The following SOX6 variants were observed in gnomAD, a reference collection of about 807,000 sequenced individuals.
The protein encoded by SOX6 is SRY-box transcription factor 6, also known as transcription factor SOX-6.
In SOX6, 11 loss-of-function variants were observed where a neutral mutation model predicts 97.8. The ratio of observed to expected loss-of-function variants is 0.11; its 90% CI spans 0.07 to 0.19. The LOEUF (loss-of-function observed/expected upper bound fraction) is 0.19. Ranked by LOEUF, SOX6 falls within the 10% of genes least tolerant of loss-of-function variation. SOX6 has a pLI of 1.00. For missense variants in SOX6, 810 were observed against 1,039.5 expected, an observed-to-expected ratio of 0.78 and a Z score of 3.04; for synonymous variants, 360 against 371.4, an observed-to-expected ratio of 0.97 and a Z score of 0.35.
chr11:16,371,594 C>G (rs1429932274), intron 1 of SOX6, among the ~76,000 whole-genome samples: 1 of 152,014 alleles, frequency 6.6e-6, no homozygotes, highest in Non-Finnish European at 1.5e-5. Context: ...ATAGTAAGTG[C>G]TCAGTAAACA....
At chr11:16,243,784 G>A (rs192922783) in intron 3 of SOX6, among the ~76,000 whole-genome samples, 80 of 151,764 alleles carry the variant, frequency 5.3e-4, no homozygotes, top group Non-Finnish European at 7.8e-4. Flanking sequence ...TTCTTTTTTG[G>A]ATATGGATTC....
chr11:16,432,406 T>C (rs1461000589), intron 1 of SOX6, among the ~76,000 whole-genome samples: 3 of 152,120 alleles, frequency 2.0e-5, no homozygotes, highest in Admixed American at 2.0e-4. Context: ...TTATGAATGA[T>C]ACTGAAATAA....
intron 6 of SOX6, among the ~76,000 whole-genome samples, chr11:16,165,284 A>T (rs936146414): frequency 6.6e-6 from 1 of 152,182 alleles, no homozygotes; most frequent in Non-Finnish European, 1.5e-5. Context: ...ACTTAGTATG[A>T]TTATTGCTCA....
Position 16,604,523 on chromosome 11 carries a change from C to G in SOX6, n.609+7558G>C, listed in dbSNP as rs1430921280. On this transcript the variant is annotated intron_variant and non_coding_transcript_variant, in intron 4 of 5. Transcript: ENST00000524520. ...GCCAAAGCCCGGCCGCAGGAGTACGCGGCTAGCACCGGCGCCCGGGACGCG... is the reference window on the plus strand; with the variant it reads ...GCCAAAGCCCGGCCGCAGGAGTACGGGGCTAGCACCGGCGCCCGGGACGCG... Among the ~76,000 whole-genome samples the G allele has an allele frequency of 2.6e-5, 4 of 152,308 alleles. No individual in the cohort carries two copies. The East Asian group carries it at 7.8e-4, about 30-fold the overall frequency.
intron 6 of SOX6, among the ~76,000 whole-genome samples, chr11:16,157,116 C>G (rs1046185964): frequency 6.6e-6 from 1 of 152,030 alleles, no homozygotes; most frequent in African/African-American, 2.4e-5. Flanking sequence ...GCTTAAATTT[C>G]TTCTTAGCTA....
At chr11:16,593,764 T>C (rs762727541) in intron 4 of SOX6, among the ~76,000 whole-genome samples, 1 of 152,182 alleles carries the variant, frequency 6.6e-6, no homozygotes, top group Non-Finnish European at 1.5e-5. Flanking sequence ...GGCATTAATA[T>C]TCTCATTTAA....
intron 4 of SOX6, among the ~76,000 whole-genome samples, chr11:16,539,201 GAAC>G (rs2133175752): frequency 6.6e-6 from 1 of 152,316 alleles, no homozygotes; most frequent in South Asian, 2.1e-4. Flanking sequence ...CATGGAAACT[GAAC>G]AACTTGTTCC....
chr11:16,500,455 A>G (rs1194296328), intron 4 of SOX6, among the ~76,000 whole-genome samples: 3 of 152,140 alleles, frequency 2.0e-5, no homozygotes, highest in Non-Finnish European at 2.9e-5. Flanking sequence ...TGGAAGTTCT[A>G]GCCAGGGCAA....
chr11:15,987,519 T>C (rs528262812), intron 14 of SOX6, among the ~76,000 whole-genome samples: 1 of 152,302 alleles, frequency 6.6e-6, no homozygotes, highest in Admixed American at 6.5e-5. Flanking sequence ...ATATTCCTAA[T>C]AATTTTTTCA....
At chr11:16,588,907 C>T (rs1565187767) in intron 4 of SOX6, among the ~76,000 whole-genome samples, 1 of 152,152 alleles carries the variant, frequency 6.6e-6, no homozygotes, top group Admixed American at 6.5e-5. Context: ...GGCCTATCAT[C>T]CCAGCACTTT....
Position 16,445,305 on chromosome 11 carries a change from T to C in SOX6, c.-5+31010A>G, listed in dbSNP as rs11023946. ...ACTTTGCAAATTATTTCCCAACAAA[T>C]AACAATTACTGTTCTCCTTCATCTC... On this transcript the variant is annotated intron_variant, in intron 1 of 15. Transcript: ENST00000396356. Among the ~76,000 whole-genome samples, 210 of 152,300 alleles carry C rather than the reference T, an allele frequency of 1.4e-3. 3 individuals carry two copies. The East Asian group carries it at 0.038, about 28-fold the overall frequency.
At chr11:16,366,408 C>T (rs1244025374) in intron 1 of SOX6, among the ~76,000 whole-genome samples, 1 of 152,094 alleles carries the variant, frequency 6.6e-6, no homozygotes, top group Non-Finnish European at 1.5e-5. Flanking sequence ...AGAGCTATTT[C>T]AAGCAGAGAA....
chr11:16,382,836 G>A (rs945236387), intron 1 of SOX6, among the ~76,000 whole-genome samples: 3 of 151,808 alleles, frequency 2.0e-5, no homozygotes, highest in African/African-American at 7.3e-5. Flanking sequence ...TACTAGTAAT[G>A]GCAGAGTCAG....
intron 2 of SOX6, among the ~76,000 whole-genome samples, chr11:16,726,714 T>A (rs1190990714): frequency 3.3e-5 from 5 of 152,158 alleles, no homozygotes; most frequent in African/African-American, 1.2e-4. Context: ...TATTCACAAA[T>A]ATGGGGACTG....
chr11:16,636,744 C>T lies in SOX6; in HGVS notation n.430-24484G>A, dbSNP rs138073478. Among the ~76,000 whole-genome samples, 1,232 of 152,212 alleles carry T rather than the reference C, an allele frequency of 8.1e-3. 57 individuals are homozygous for T. In the East Asian group the frequency reaches 0.11, roughly 13 times the overall value. ...ATTGAATCATGGGGGCAGTTGCCTC[C>T]ATGATGTTCTCATGATAGTGAATTC... On this transcript the variant is annotated intron_variant and non_coding_transcript_variant, in intron 3 of 5. Coordinates refer to the SOX6 transcript ENST00000524520.
chr11:16,274,814 A>C (rs1369361826), intron 3 of SOX6, among the ~76,000 whole-genome samples: 1 of 152,186 alleles, frequency 6.6e-6, no homozygotes, highest in Admixed American at 6.5e-5. Context: ...ATCTCAACTA[A>C]GAGATTTCCC....
At chr11:16,339,712 A>G (rs1483468532) in intron 2 of SOX6, among the ~76,000 whole-genome samples, 5 of 152,100 alleles carry the variant, frequency 3.3e-5, no homozygotes, top group African/African-American at 1.2e-4. Flanking sequence ...CTATATAGTC[A>G]GCACCTAATA....
intron 1 of SOX6, among the ~76,000 whole-genome samples, chr11:16,433,804 T>C (rs1489209773): frequency 1.3e-5 from 2 of 152,082 alleles, no homozygotes; most frequent in Admixed American, 6.6e-5. Flanking sequence ...CAGAATATTA[T>C]GAAAAGGATA....
At chr11:16,401,771 T>G (rs1858565859) in intron 1 of SOX6, among the ~76,000 whole-genome samples, 1 of 151,454 alleles carries the variant, frequency 6.6e-6, no homozygotes, top group Admixed American at 6.6e-5. Flanking sequence ...ATAGGGTGGT[T>G]GGCTAGAACA....
Sources: allele counts gnomAD v4.1 joint callset (sites outside exome capture counted in the v4.1 genomes callset), GRCh38; gene constraint gnomAD v4.1.1; transcripts MANE v1.5; gene names NCBI Gene and HGNC (gene_info 2026-07-23, HGNC 2026-07-21).